Variants in SULT4A1 observed in about 807,000 individuals in gnomAD.
SULT4A1 encodes the protein sulfotransferase 4A1.
Under a neutral mutation model 35.2 loss-of-function variants are expected in SULT4A1, and 11 were observed. The observed-to-expected ratio is 0.31, with a 90% CI of 0.20 to 0.52. SULT4A1 has a LOEUF of 0.52. SULT4A1 is among the 20% of genes least tolerant of loss of function. SULT4A1 has a pLI of 0.97. For missense variants in SULT4A1, 271 were observed against 383.7 expected, an observed-to-expected ratio of 0.71 and a Z score of 2.45; for synonymous variants, 152 against 151.8, an observed-to-expected ratio of 1.00 and a Z score of -0.01.
chr22:43,861,152 C>T (rs1320879774), intron 1 of SULT4A1, among the ~76,000 whole-genome samples: 5 of 152,160 alleles, frequency 3.3e-5, no homozygotes, highest in African/African-American at 1.2e-4. Context: ...CAACCAACAC[C>T]CTCCACTGAG....
At chr22:43,847,893 G>A (rs910506550) in intron 1 of SULT4A1, among the ~76,000 whole-genome samples, 1 of 152,234 alleles carries the variant, frequency 6.6e-6, no homozygotes, top group Non-Finnish European at 1.5e-5. Flanking sequence ...AAAACGTGGT[G>A]CCTTAAAACA....
intron 1 of SULT4A1, among the ~76,000 whole-genome samples, chr22:43,854,052 T>C (rs960675945): frequency 3.3e-4 from 51 of 152,334 alleles, no homozygotes; most frequent in African/African-American, 1.1e-3. Flanking sequence ...TTTGCCCTCA[T>C]GTAGCACTCT....
At position 43,826,646 on chromosome 22, in the gene SULT4A1, T is replaced by G. The variant is rs1389442955; in HGVS notation, c.743-533A>C. ...AAAAGGAAAAAAAAATCATTCAAAGTGCAGAAAATTTTACACTAAGTAGGA... is the reference window on the plus strand; with the variant it reads ...AAAAGGAAAAAAAAATCATTCAAAGGGCAGAAAATTTTACACTAAGTAGGA... On this transcript the variant is annotated intron_variant, in intron 6 of 6. Transcript: ENST00000330884. 5 of 985,270 alleles carry G rather than the reference T, an allele frequency of 5.1e-6. No individual in the cohort carries two copies. The African/African-American group carries it at 8.7e-5, about 17-fold the overall frequency. 61.0% of individuals were successfully genotyped at this position (985,270 alleles called of 1,614,324 possible).
intron 5 of SULT4A1, among the ~76,000 whole-genome samples, chr22:43,832,935 TCAGCCACTGACACTAG>T (rs1327222803): frequency 6.6e-6 from 1 of 152,134 alleles, no homozygotes; most frequent in Non-Finnish European, 1.5e-5. Context: ...TGCTTGTCTG[TCAGCCACTGACACTAG>T]CAGCCCCACA....
chr22:43,845,167 G>A (rs1160650176), intron 1 of SULT4A1, among the ~76,000 whole-genome samples: 2 of 152,122 alleles, frequency 1.3e-5, no homozygotes, highest in Non-Finnish European at 2.9e-5. Flanking sequence ...CCTTCATATC[G>A]GCGGCTCCAG....
intron 1 of SULT4A1, among the ~76,000 whole-genome samples, chr22:43,861,179 T>A (rs1453318406): frequency 6.6e-6 from 1 of 152,122 alleles, no homozygotes; most frequent in East Asian, 1.9e-4. Context: ...TACTCCAATC[T>A]TCCTCAGAAG....
chr22:43,834,129 T>G (rs2063346305), intron 4 of SULT4A1, among the ~76,000 whole-genome samples: 1 of 152,126 alleles, frequency 6.6e-6, no homozygotes, highest in African/African-American at 2.4e-5. Context: ...TAGGAAGCTG[T>G]AGGACAGATC....
rs187602784 is a variant in SULT4A1 at position 43,830,584 on chromosome 22, C to T, written c.604-1386G>A. On this transcript the variant is annotated intron_variant, in intron 5 of 6. Coordinates refer to ENST00000330884, the MANE Select transcript of SULT4A1 (RefSeq NM_014351.4). ...GGCCGCAGCAAGAGGCCGCACACCACGGCACGGAGCCAGCGTGTTGGGGTC... is the reference window on the plus strand; with the variant it reads ...GGCCGCAGCAAGAGGCCGCACACCATGGCACGGAGCCAGCGTGTTGGGGTC... 1.4e-3 allele frequency among the ~76,000 whole-genome samples: 208 copies of T among 152,362 alleles called. 1 individual carries two copies. The highest frequency in any genetic ancestry group is 4.7e-3 in the African/African-American group (195 of 41,588).
At chr22:43,855,947 G>A (rs982312125) in intron 1 of SULT4A1, among the ~76,000 whole-genome samples, 2 of 152,230 alleles carry the variant, frequency 1.3e-5, no homozygotes, top group Non-Finnish European at 2.9e-5. Context: ...CAGGTGGCGA[G>A]AGGAATTCAG....
chr22:43,826,348 G>A, intron 6 of SULT4A1: 2 of 985,382 alleles, frequency 2.0e-6, no homozygotes, highest in Non-Finnish European at 2.4e-6. Flanking sequence ...CTGAGGCTGT[G>A]GCACAGTGAG....
chr22:43,826,202 T>C, intron 6 of SULT4A1, 89 bp from the exon 7 acceptor site: 1 of 1,568,250 alleles, frequency 6.4e-7, no homozygotes, highest in South Asian at 1.2e-5. Flanking sequence ...ATCTGGAACA[T>C]TCCAGATCTA....
intron 1 of SULT4A1, among the ~76,000 whole-genome samples, chr22:43,855,767 C>G (rs996926090): frequency 6.6e-6 from 1 of 151,408 alleles, no homozygotes; most frequent in Non-Finnish European, 1.5e-5. Flanking sequence ...GGCCACTTCC[C>G]CCTAGATGCA....
chr22:43,854,100 T>G (rs187580419), intron 1 of SULT4A1, among the ~76,000 whole-genome samples: 82 of 152,350 alleles, frequency 5.4e-4, no homozygotes, highest in Non-Finnish European at 8.2e-4. Context: ...TGTAGCACTC[T>G]CATGACATCA....
chr22:43,839,844 A>C, intron 3 of SULT4A1, 101 bp downstream of exon 3: 1 of 1,140,568 alleles, frequency 8.8e-7, no homozygotes, highest in African/African-American at 1.5e-5. Flanking sequence ...ACAGCCCCCA[A>C]GGCCAGGTAA....
At chr22:43,850,869 C>G (rs769185941) in intron 1 of SULT4A1, among the ~76,000 whole-genome samples, 19 of 152,010 alleles carry the variant, frequency 1.2e-4, no homozygotes, top group Non-Finnish European at 2.1e-4. Context: ...CCGCTGAGAT[C>G]CTGGGGGCCC....
At chr22:43,843,947 C>A (rs2063453962) in intron 1 of SULT4A1, among the ~76,000 whole-genome samples, 1 of 152,148 alleles carries the variant, frequency 6.6e-6, no homozygotes, top group Non-Finnish European at 1.5e-5. Flanking sequence ...GGCATCAGAA[C>A]TGGGGGCAGT....
In SULT4A1 at chr22:43,825,241, G is replaced by C. The variant is rs2063278750; in HGVS notation, c.*760C>G. ...GTGGCCGACTCTCCACCCACTGCATGCAAATGCTCCTGACTGCATTAGACT... is the reference window on the plus strand; with the variant it reads ...GTGGCCGACTCTCCACCCACTGCATCCAAATGCTCCTGACTGCATTAGACT... On this transcript the variant is annotated 3_prime_UTR_variant, in exon 7 of 7. Coordinates refer to ENST00000330884, the MANE Select transcript of SULT4A1 (RefSeq NM_014351.4). 6.6e-6 allele frequency: 1 copy of C among 152,258 alleles called. No individual in the cohort carries two copies. The highest frequency in any genetic ancestry group is 6.5e-5 in the Admixed American group (1 of 15,278). The allele number at this position is 152,258 out of a possible 1,614,324, so 9.4% of individuals were successfully genotyped here.
At chr22:43,855,918 G>A (rs1484058219) in intron 1 of SULT4A1, among the ~76,000 whole-genome samples, 2 of 152,218 alleles carry the variant, frequency 1.3e-5, no homozygotes, top group Non-Finnish European at 2.9e-5. Flanking sequence ...GGCCCTGGAG[G>A]AAGAGAAGCC....
At chr22:43,855,454 C>T (rs951442421) in intron 1 of SULT4A1, among the ~76,000 whole-genome samples, 1 of 152,196 alleles carries the variant, frequency 6.6e-6, no homozygotes, top group African/African-American at 2.4e-5. Context: ...GAGAGTCTGG[C>T]TCATTTCAAG....
Sources: allele counts gnomAD v4.1 joint callset (sites outside exome capture counted in the v4.1 genomes callset), GRCh38; gene constraint gnomAD v4.1.1; transcripts MANE v1.5; gene names NCBI Gene and HGNC (gene_info 2026-07-23, HGNC 2026-07-21).